EME2: variants seen among roughly 807,000 people sequenced by gnomAD.
EME2 encodes the protein essential meiotic structure-specific endonuclease subunit 2.
EME2 carries 58 observed loss-of-function variants against 41.9 expected under a neutral mutation model. That is an observed-to-expected ratio of 1.38 (90% CI 1.12 to 1.72). EME2 has a LOEUF of 1.72. Ranked by LOEUF, EME2 falls within the 40% of genes most tolerant of loss-of-function variation. The probability of loss-of-function intolerance (pLI) is 0.00; values close to 1 mark genes in which losing one functional copy is unlikely to be tolerated. For synonymous variants in EME2, 334 were observed against 239.3 expected (o/e 1.40, Z -3.65); for missense variants, 695 against 541.9 (o/e 1.28, Z -2.81).
At position 1,776,174 on chromosome 16, in the gene EME2, CCCG is replaced by C. The variant is rs1157168413; in HGVS notation, c.1081_1083del (p.Arg361del). 4 of 1,612,608 alleles carry C rather than the reference CCCG, an allele frequency of 2.5e-6. No individual in the cohort carries two copies. In the Admixed American group the frequency reaches 6.7e-5, roughly 27 times the overall value. ...CCCCGCAGGGTGGGGCCTGACCTCT[CCCG>C]CCGCATCTGCCTCTTCCTGACCACA... On this transcript the variant is annotated inframe_deletion, in exon 8 of 8. Transcript: ENST00000568449.
At chr16:1,774,198 G>A (rs541725560) in intron 2 of EME2, 62 bp from the exon 3 acceptor site, 48 of 1,469,638 alleles carry the variant, frequency 3.3e-5, no homozygotes, top group African/African-American at 1.2e-4. Context: ...GGACTGCCCA[G>A]GCAGGGCCCC....
At position 1,772,976 on chromosome 16, in the gene EME2, G is replaced by C. The variant is rs1021652235; in HGVS notation, c.-252G>C. On this transcript the variant is annotated 5_prime_UTR_variant, in exon 1 of 8. Transcript: ENST00000568449. ...CGGCCCAGGCCCGGACCGGCAGCCG[G>C]CGTCCAGAGAACGGCCGCGTCAAGG... The C allele has an allele frequency of 4.8e-6, 7 of 1,449,906 alleles. No homozygotes were observed. In the Admixed American group the frequency reaches 1.9e-4, roughly 40 times the overall value. 89.8% of individuals were successfully genotyped at this position (1,449,906 alleles called of 1,614,324 possible). A position where few individuals can be genotyped will look rare whatever the true frequency, so the allele number is the denominator to read the frequency against.
rs368425768 is a variant in EME2 at position 1,781,458 on chromosome 16, C to T, written c.*5220C>T. 10 of 1,612,656 alleles carry T rather than the reference C, an allele frequency of 6.2e-6. No individual in the cohort carries two copies. The highest frequency in any genetic ancestry group is 4.0e-5 in the African/African-American group (3 of 74,928). Reference sequence around the variant, plus strand: ...TGCACTCAGGACGAAGTGCCAGGCCCTGCTGTTCCGGGGGCGTCTGGCCAT... The same window carrying T: ...TGCACTCAGGACGAAGTGCCAGGCCTTGCTGTTCCGGGGGCGTCTGGCCAT... On this transcript the variant is annotated 3_prime_UTR_variant, in exon 8 of 8. Transcript: ENST00000568449.
rs118003261 is a variant in EME2 at position 1,776,694 on chromosome 16, G to T, written c.*456G>T. On this transcript the variant is annotated 3_prime_UTR_variant, in exon 8 of 8. Coordinates refer to ENST00000568449, the MANE Select transcript of EME2 (RefSeq NM_001257370.2). Reference sequence around the variant, plus strand: ...GCAAGCCCGGCCTCTGCACGGATACGTTTCAGCTCACGCCATGTGGGTGTT... The same window carrying T: ...GCAAGCCCGGCCTCTGCACGGATACTTTTCAGCTCACGCCATGTGGGTGTT... The T allele has an allele frequency of 1.5e-4, 46 of 296,910 alleles. No individual in the cohort carries two copies. The highest frequency in any genetic ancestry group is 2.6e-4 in the Non-Finnish European group (41 of 158,422). 18.4% of individuals were successfully genotyped at this position (296,910 alleles called of 1,614,324 possible). A position where few individuals can be genotyped will look rare whatever the true frequency, so the allele number is the denominator to read the frequency against.
chr16:1,774,027 C>CTGGAG (rs568538388), intron 2 of EME2, among the ~76,000 whole-genome samples, 186 bp downstream of exon 2: 6 of 152,362 alleles, frequency 3.9e-5, no homozygotes, highest in Admixed American at 3.9e-4. Flanking sequence ...GCCGAGCTGG[C>CTGGAG]TGGAGAAGGT....
In EME2 at chr16:1,775,052, A is replaced by T; in HGVS notation, c.489A>T (p.Pro163=). 1 of 1,609,600 alleles carries T rather than the reference A, an allele frequency of 6.2e-7. No individual in the cohort carries two copies. ...GTTCTCATCTTCAGATCTCTGGCCC[A>T]ACCCACTGGGTGCCCTGGATCTCCC... is the stretch of plus-strand genomic sequence containing the variant. ...GVATLTQISG[P]THWVPWISPE... Residue 163 remains proline (P), a synonymous_variant, in exon 4 of 8, where the codon CCA becomes CCT. Coordinates refer to ENST00000568449, the MANE Select transcript of EME2 (RefSeq NM_001257370.2).
In EME2 at chr16:1,781,277, G is replaced by A. The variant is rs1177491887; in HGVS notation, c.*5039G>A. 2 of 1,611,298 alleles carry A rather than the reference G, an allele frequency of 1.2e-6. No individual in the cohort carries two copies. The highest frequency in any genetic ancestry group is 2.2e-5 in the East Asian group (1 of 44,890). On this transcript the variant is annotated 3_prime_UTR_variant, in exon 8 of 8. Transcript: ENST00000568449. ...CATCTTTTTCTCCGACTGATTCCGT[G>A]TTCAGGTAATGTCTGCCTGCCTGCC...
rs559780982 is a variant in EME2, at chr16:1,778,268, A to G, written c.*2030A>G. ...TGGAAGCTGACCTTACGGTTGTCAC[A>G]GCTCAGCAGGGTGGCTGATGACTTA... On this transcript the variant is annotated 3_prime_UTR_variant, in exon 8 of 8. Transcript: ENST00000568449. 1.9e-6 allele frequency: 3 copies of G among 1,612,908 alleles called. No homozygotes were observed. Among genetic ancestry groups the G allele is most frequent in the Non-Finnish European group, 2.5e-6 (3 of 1,180,008 alleles).
rs777641455 is a variant in EME2, at chr16:1,776,688, G to A, written c.*450G>A. 20 of 292,828 alleles carry A rather than the reference G, an allele frequency of 6.8e-5. No individual in the cohort carries two copies. The highest frequency in any genetic ancestry group is 9.6e-5 in the Non-Finnish European group (15 of 155,860). 18.1% of individuals were successfully genotyped at this position (292,828 alleles called of 1,614,324 possible). ...CTGCTCGCAAGCCCGGCCTCTGCACGGATACGTTTCAGCTCACGCCATGTG... is the reference window on the plus strand; with the variant it reads ...CTGCTCGCAAGCCCGGCCTCTGCACAGATACGTTTCAGCTCACGCCATGTG... On this transcript the variant is annotated 3_prime_UTR_variant, in exon 8 of 8. Coordinates refer to ENST00000568449, the MANE Select transcript of EME2 (RefSeq NM_001257370.2).
chr16:1,776,299 G>GT lies in EME2; in HGVS notation c.*62dup, dbSNP rs2042712268. Reference sequence around the variant, plus strand: ...GGGGACAGACCAGACACCCTGGGCGGTGGGGGAGGACCCCCAGCCACATGT... The same window carrying GT: ...GGGGACAGACCAGACACCCTGGGCGGTTGGGGGAGGACCCCCAGCCACATGT... On this transcript the variant is annotated 3_prime_UTR_variant, in exon 8 of 8. Transcript: ENST00000568449. 8 of 1,565,316 alleles carry GT rather than the reference G, an allele frequency of 5.1e-6. No homozygotes were observed. Among genetic ancestry groups the GT allele is most frequent in the South Asian group, 3.5e-5 (3 of 86,820 alleles).
Position 1,778,407 on chromosome 16 carries a change from C to T in EME2, c.*2169C>T, listed in dbSNP as rs1332505561. 5.0e-6 allele frequency: 8 copies of T among 1,605,868 alleles called. No individual in the cohort carries two copies. Among genetic ancestry groups the T allele is most frequent in the Admixed American group, 3.4e-5 (2 of 59,526 alleles). The stretch of plus-strand genomic sequence containing the variant: ...CCCCCAGGCCCGCCCGCAGTGCAGT[C>T]CCAGCAGGGGCTGGGCCCCACGCTC... On this transcript the variant is annotated 3_prime_UTR_variant, in exon 8 of 8. Coordinates refer to ENST00000568449, the MANE Select transcript of EME2 (RefSeq NM_001257370.2).
At position 1,779,467 on chromosome 16, in the gene EME2, T is replaced by C. The variant is rs1374804272; in HGVS notation, c.*3229T>C. 1 of 152,354 alleles carries C rather than the reference T, an allele frequency of 6.6e-6. No individual in the cohort carries two copies. Among genetic ancestry groups the C allele is most frequent in the Non-Finnish European group, 1.5e-5 (1 of 68,164 alleles). The allele number at this position is 152,354 out of a possible 1,614,324, so 9.4% of individuals were successfully genotyped here. ...GGAGAAGCCACAGGGGACCATGACA[T>C]GGGCGCCACCAGCTTCCAGGTGAAC... On this transcript the variant is annotated 3_prime_UTR_variant, in exon 8 of 8. Coordinates refer to ENST00000568449, the MANE Select transcript of EME2 (RefSeq NM_001257370.2).
In EME2 at chr16:1,776,163, G is replaced by T. The variant is rs141861528; in HGVS notation, c.1065G>T (p.Gly355=). 1.9e-6 allele frequency: 3 copies of T among 1,612,362 alleles called. No homozygotes were observed. The highest frequency in any genetic ancestry group is 2.5e-6 in the Non-Finnish European group (3 of 1,179,968). ...PSEGGRPRRV[G]PDLSRRICLF... Reference sequence around the variant, plus strand: ...AAGGCGGGCGTCCCCGCAGGGTGGGGCCTGACCTCTCCCGCCGCATCTGCC... The same window carrying T: ...AAGGCGGGCGTCCCCGCAGGGTGGGTCCTGACCTCTCCCGCCGCATCTGCC... Residue 355 remains glycine, a synonymous_variant, in exon 8 of 8, where the codon GGG becomes GGT. Transcript: ENST00000568449.
chr16:1,773,957 G>A (rs1241495072), intron 2 of EME2, 116 bp downstream of exon 2: 5 of 1,336,790 alleles, frequency 3.7e-6, no homozygotes, highest in Non-Finnish European at 5.0e-6. Context: ...TCTCGCGGAT[G>A]GGTAAAGCAA....
Position 1,773,273 on chromosome 16 carries a change from C to T in EME2, c.46C>T (p.Arg16Trp). The change falls in exon 1 of 8, where the codon CGG (arginine) becomes TGG (tryptophan). Residue 16 changes from arginine to tryptophan, a missense_variant. Coordinates refer to ENST00000568449, the MANE Select transcript of EME2 (RefSeq NM_001257370.2). Reference sequence around the variant, plus strand: ...GAGGGCGGGGGTCTCTTGCCAGGGCCGGGGCCGGGGACGGGGCGGGAGCGG... The same window carrying T: ...GAGGGCGGGGGTCTCTTGCCAGGGCTGGGGCCGGGGACGGGGCGGGAGCGG... ...PGRAGVSCQG[R>W]GRGRGGSGQR... 3 of 1,465,670 alleles carry T rather than the reference C, an allele frequency of 2.0e-6. No homozygotes were observed. Among genetic ancestry groups the T allele is most frequent in the Admixed American group, 4.9e-5 (2 of 40,406 alleles). The allele number at this position is 1,465,670 out of a possible 1,614,324, so 90.8% of individuals were successfully genotyped here.
chr16:1,778,726 C>T lies in EME2; in HGVS notation c.*2488C>T, dbSNP rs1021245444. The T allele has an allele frequency of 3.3e-6, 4 of 1,200,030 alleles. No individual in the cohort carries two copies. The African/African-American group carries it at 6.1e-5, about 18-fold the overall frequency. 74.3% of individuals were successfully genotyped at this position (1,200,030 alleles called of 1,614,324 possible). ...ACCCACCCAGGAAAGGATGGGGGTC[C>T]AGGCCTCCAGGGACTTCACAGTACC... On this transcript the variant is annotated 3_prime_UTR_variant, in exon 8 of 8. Transcript: ENST00000568449.
At chr16:1,773,913 C>T in intron 2 of EME2, 72 bp downstream of exon 2, 3 of 1,470,298 alleles carry the variant, frequency 2.0e-6, no homozygotes, top group Non-Finnish European at 2.7e-6. Flanking sequence ...AGCCCTGGAG[C>T]TGTCCCTGAG....
In EME2 at chr16:1,779,242, C is replaced by T. The variant is rs1157809567; in HGVS notation, c.*3004C>T. 1.3e-5 allele frequency: 2 copies of T among 152,462 alleles called. No individual in the cohort carries two copies. The highest frequency in any genetic ancestry group is 2.4e-5 in the African/African-American group (1 of 41,450). 9.4% of individuals were successfully genotyped at this position (152,462 alleles called of 1,614,324 possible). ...CCTTGGTCCTGATTCTTGGCCTCCT[C>T]CCACCAGAACGTGAGCTCCTTGTGG... is the stretch of plus-strand genomic sequence containing the variant. On this transcript the variant is annotated 3_prime_UTR_variant, in exon 8 of 8. Transcript: ENST00000568449.
At chr16:1,774,828 C>T (rs77478089) in intron 3 of EME2, 7,339 of 623,294 alleles carry the variant, frequency 0.012, 270 homozygotes, top group East Asian at 0.1. Context: ...TGACATGTGC[C>T]CGAGCAGCCA....
Sources: allele counts gnomAD v4.1 joint callset (sites outside exome capture counted in the v4.1 genomes callset), GRCh38; gene constraint gnomAD v4.1.1; transcripts MANE v1.5; gene names NCBI Gene and HGNC (gene_info 2026-07-23, HGNC 2026-07-21).